Variants in ARHGAP23 observed in about 807,000 individuals in gnomAD.
ARHGAP23 encodes the protein rho GTPase-activating protein 23.
In ARHGAP23, 34 loss-of-function variants were observed where a neutral mutation model predicts 136.3. The observed-to-expected ratio is 0.25, with a 90% CI of 0.19 to 0.33. The LOEUF is 0.33. ARHGAP23 is among the 10% of genes least tolerant of loss of function. The pLI is 1.00. For missense variants in ARHGAP23, 1,808 were observed against 2,139.0 expected (o/e 0.85, Z 3.05); for synonymous variants, 832 against 920.5 (o/e 0.90, Z 1.74).
chr17:38,461,575 G>A (rs1193937377), intron 3 of ARHGAP23, among the ~76,000 whole-genome samples: 3 of 152,234 alleles, frequency 2.0e-5, no homozygotes, highest in African/African-American at 4.8e-5. Context: ...CGTGATGAGG[G>A]AGGAGCCCGC....
In ARHGAP23 at chr17:38,510,204, G is replaced by A; in HGVS notation, c.3708G>A (p.Glu1236=). 1 of 1,367,278 alleles carries A rather than the reference G, an allele frequency of 7.3e-7. No individual in the cohort carries two copies. Among genetic ancestry groups the A allele is most frequent in the South Asian group, 1.8e-5 (1 of 54,792 alleles). 84.7% of individuals were successfully genotyped at this position (1,367,278 alleles called of 1,614,324 possible). Reference sequence around the variant, plus strand: ...GCCTCAGTCCCCCGGCGGCGCCGGAGGAGCGGCCGGCCGCGGACACGCGCT... The same window carrying A: ...GCCTCAGTCCCCCGGCGGCGCCGGAAGAGCGGCCGGCCGCGGACACGCGCT... The part of the protein sequence containing the change: ...PGRLSPPAAP[E]ERPAADTRSI... The change falls in exon 24 of 24, where the codon GAG becomes GAA. Residue 1236 remains glutamate (E), a synonymous_variant. Transcript: ENST00000622683. This position sits in a 1 kb window ranked among gnomAD's most constrained non-coding sequence, Gnocchi z 4.6.
At chr17:38,426,280 T>C (rs2038568596), upstream of ARHGAP23, among the ~76,000 whole-genome samples, 2 of 151,860 alleles carry the variant, frequency 1.3e-5, no homozygotes, top group Non-Finnish European at 2.9e-5. Flanking sequence ...CGGTGGCTCA[T>C]GCCTGTAATC....
chr17:38,428,580 G>A, intron 1 of ARHGAP23, 32 bp downstream of exon 1: 1 of 1,365,712 alleles, frequency 7.3e-7, no homozygotes, highest in Non-Finnish European at 9.5e-7. Flanking sequence ...AGTGGGCGGG[G>A]CCGGTAGCTG....
upstream of ARHGAP23, among the ~76,000 whole-genome samples, chr17:38,425,118 C>T (rs1420325520): frequency 6.6e-6 from 1 of 152,194 alleles, no homozygotes; most frequent in East Asian, 1.9e-4. Flanking sequence ...GCTTCAGCTC[C>T]CTGCCCCAAA....
chr17:38,439,929 C>T (rs1567777155), intron 1 of ARHGAP23, among the ~76,000 whole-genome samples: 1 of 151,792 alleles, frequency 6.6e-6, no homozygotes, highest in Non-Finnish European at 1.5e-5. Flanking sequence ...GGGGTCTCAT[C>T]GTGTTGACCA....
chr17:38,447,987 C>G (rs1317228284), intron 1 of ARHGAP23, among the ~76,000 whole-genome samples: 2 of 152,310 alleles, frequency 1.3e-5, no homozygotes, highest in East Asian at 3.9e-4. Context: ...ACTGGCCCTC[C>G]TCTGGCACTG....
rs1280609260 is a variant in ARHGAP23 at position 38,490,554 on chromosome 17, G to A, written c.3150+3G>A. ...CTGACCACTCTGAGAAAAACAAGGT[G>A]GGTAGGAGTCCCGCATGGAGTCTGG... On this transcript the variant is annotated splice_donor_region_variant and intron_variant, in intron 19 of 23. Transcript: ENST00000622683. 15 of 1,534,264 alleles carry A rather than the reference G, an allele frequency of 9.8e-6. No homozygotes were observed. The highest frequency in any genetic ancestry group is 1.3e-5 in the Non-Finnish European group (15 of 1,133,032).
intron 1 of ARHGAP23, among the ~76,000 whole-genome samples, chr17:38,441,957 C>A (rs1170793308): frequency 2.6e-5 from 4 of 151,686 alleles, no homozygotes; most frequent in Non-Finnish European, 5.9e-5. Context: ...ACCCCTTTCT[C>A]CCCCACTCCT....
chr17:38,461,034 C>T, intron 3 of ARHGAP23, 102 bp downstream of exon 3: 1 of 1,480,102 alleles, frequency 6.8e-7, no homozygotes, highest in Non-Finnish European at 9.0e-7. Context: ...TCTGTGCCCC[C>T]CTCCCTTGAC....
Position 38,511,136 on chromosome 17 carries a change from C to A in ARHGAP23, c.*164C>A. The A allele has an allele frequency of 1.3e-6, 1 of 750,636 alleles. No homozygotes were observed. Among genetic ancestry groups the A allele is most frequent in the Non-Finnish European group, 1.9e-6 (1 of 513,916 alleles). 46.5% of individuals were successfully genotyped at this position (750,636 alleles called of 1,614,324 possible). On this transcript the variant is annotated 3_prime_UTR_variant, in exon 24 of 24. Coordinates refer to ENST00000622683, the MANE Select transcript of ARHGAP23 (RefSeq NM_001199417.2). ...AGTTGGTGTGCTGGAACTGGCAGGGCAGAGGAGAAGGCTGGGGCCGGACTA... is the reference window on the plus strand; with the variant it reads ...AGTTGGTGTGCTGGAACTGGCAGGGAAGAGGAGAAGGCTGGGGCCGGACTA...
upstream of ARHGAP23, among the ~76,000 whole-genome samples, chr17:38,425,546 C>G (rs1183820576): frequency 6.6e-6 from 1 of 152,168 alleles, no homozygotes; most frequent in Non-Finnish European, 1.5e-5. Flanking sequence ...CCTCTACCCC[C>G]TCACATAGTA....
intron 1 of ARHGAP23, among the ~76,000 whole-genome samples, chr17:38,446,591 A>C (rs542075904): frequency 3.6e-4 from 54 of 149,642 alleles, no homozygotes; most frequent in Non-Finnish European, 6.5e-4. Flanking sequence ...ACTGGATCAT[A>C]TGGTAATTCT....
intron 20 of ARHGAP23, among the ~76,000 whole-genome samples, chr17:38,496,773 C>T (rs979189029): frequency 3.9e-5 from 6 of 151,972 alleles, no homozygotes; most frequent in East Asian, 1.9e-4. Context: ...GCCAACATGA[C>T]GAAACCCCAT....
At chr17:38,508,304 C>G (rs2040678946) in intron 23 of ARHGAP23, among the ~76,000 whole-genome samples, 1 of 152,086 alleles carries the variant, frequency 6.6e-6, no homozygotes, top group Non-Finnish European at 1.5e-5. Context: ...GCAAATAGGG[C>G]AGGGGGACAT....
intron 1 of ARHGAP23, among the ~76,000 whole-genome samples, chr17:38,440,307 C>T (rs1401117055): frequency 6.6e-6 from 1 of 152,262 alleles, no homozygotes; most frequent in Non-Finnish European, 1.5e-5. Flanking sequence ...GCATGAGGCA[C>T]TATGCCCAGG....
At position 38,477,762 on chromosome 17, in the gene ARHGAP23, A is replaced by G. The variant is rs1460217484; in HGVS notation, c.2302A>G (p.Ser768Gly). ...CTCCTGCCTCGTGGACATCTCCTAC[A>G]GCGAGACCAAGAGGAGGCACGTGTT... ...IGSCLVDISY[S>G]ETKRRHVFRL... is the part of the protein sequence containing the mutation. Residue 768 changes from serine (S) to glycine (G), a missense_variant, in exon 12 of 24, where the codon AGC becomes GGC. Ser to Gly is a moderately conservative substitution (Grantham distance 56, BLOSUM62 0). Coordinates refer to ENST00000622683, the MANE Select transcript of ARHGAP23 (RefSeq NM_001199417.2). The surrounding 1 kb of genome is among the most constrained non-coding windows in gnomAD (Gnocchi z 6.6). The G allele has an allele frequency of 6.5e-7, 1 of 1,549,586 alleles. No homozygotes were observed.
intron 2 of ARHGAP23, among the ~76,000 whole-genome samples, chr17:38,459,474 G>A (rs2039408384): frequency 6.6e-6 from 1 of 152,144 alleles, no homozygotes; most frequent in African/African-American, 2.4e-5. Flanking sequence ...GAGTGTGGAG[G>A]GGGCACAGAC....
At chr17:38,470,957 CTTTT>C (rs35409435) in intron 10 of ARHGAP23, among the ~76,000 whole-genome samples, 3 of 143,002 alleles carry the variant, frequency 2.1e-5, no homozygotes, top group Admixed American at 7.0e-5. Context: ...ATTTTTCTTT[CTTTT>C]TTTTTTTTTG....
At chr17:38,492,523 C>A (rs1311929742) in intron 20 of ARHGAP23, among the ~76,000 whole-genome samples, 1 of 152,204 alleles carries the variant, frequency 6.6e-6, no homozygotes, top group Non-Finnish European at 1.5e-5. Flanking sequence ...AGATTTCAAG[C>A]CAGATCTGAC....
Sources: gnomAD v4.1 joint callset for allele counts (sites outside exome capture counted in the v4.1 genomes callset) on GRCh38, gnomAD v4.1.1 for gene constraint, Gnocchi (gnomAD v3.1) non-coding constraint, MANE v1.5 for transcripts, NCBI Gene and HGNC (gene_info 2026-07-23, HGNC 2026-07-21) for gene names.